Variants in FERMT1 observed in about 807,000 individuals in gnomAD.
FERMT1 encodes the protein fermitin family homolog 1.
Under a neutral mutation model 85.3 loss-of-function variants are expected in FERMT1, and 60 were observed. The ratio of observed to expected loss-of-function variants is 0.70; its 90% confidence interval spans 0.57 to 0.87. The LOEUF is 0.87. FERMT1 is among the 40% of genes least tolerant of loss of function. The pLI, the probability that FERMT1 is intolerant of heterozygous loss-of-function variation, is 0.00. For synonymous variants in FERMT1, 275 were observed against 301.1 expected (o/e 0.91, Z 0.90); for missense variants, 701 against 818.9 (o/e 0.86, Z 1.76).
intron 14 of FERMT1, among the ~76,000 whole-genome samples, chr20:6,078,871 G>C (rs1981914573): frequency 6.6e-6 from 1 of 152,134 alleles, no homozygotes; most frequent in Admixed American, 6.5e-5. Flanking sequence ...GATGATGGGA[G>C]GCTGTAACAT....
intron 13 of FERMT1, among the ~76,000 whole-genome samples, chr20:6,083,204 T>G (rs1239560726): frequency 6.6e-6 from 1 of 152,196 alleles, no homozygotes; most frequent in African/African-American, 2.4e-5. Context: ...GTGGATATGT[T>G]TTGGGAAACC....
intron 2 of FERMT1, among the ~76,000 whole-genome samples, chr20:6,118,482 T>C (rs961043742): frequency 6.6e-6 from 1 of 152,150 alleles, no homozygotes; most frequent in Non-Finnish European, 1.5e-5. Context: ...TCCATTGAAC[T>C]GTTTATGATA....
At chr20:6,094,651 T>C (rs1399413959) in intron 9 of FERMT1, among the ~76,000 whole-genome samples, 2 of 152,170 alleles carry the variant, frequency 1.3e-5, no homozygotes, top group Non-Finnish European at 2.9e-5. Context: ...CGCTCAGTGC[T>C]TCATATGCAT....
intron 6 of FERMT1, 36 bp from the exon 7 acceptor site, chr20:6,097,667 T>G: frequency 7.6e-7 from 1 of 1,310,892 alleles, no homozygotes; most frequent in Non-Finnish European, 1.1e-6. Flanking sequence ...TGTAATGAGG[T>G]ATATTTATAT....
Position 6,096,653 on chromosome 20 carries a change from C to T in FERMT1, c.1089+249G>A, listed in dbSNP as rs373990643. On this transcript the variant is annotated intron_variant, in intron 8 of 14. Transcript: ENST00000217289. ...TCAGCAGTGGCTCCTTCACACCATG[C>T]CAACTTACCTCTAGGAAGAAATATA... Among the ~76,000 whole-genome samples, 7 of 152,256 alleles carry T rather than the reference C, an allele frequency of 4.6e-5. No individual in the cohort carries two copies. In the East Asian group the frequency reaches 7.7e-4, roughly 17 times the overall value.
chr20:6,115,967 G>A lies in FERMT1; in HGVS notation c.229C>T (p.Leu77=). The A allele has an allele frequency of 1.2e-6, 2 of 1,614,192 alleles. No individual in the cohort carries two copies. Among genetic ancestry groups the A allele is most frequent in the Non-Finnish European group, 1.7e-6 (2 of 1,180,028 alleles). ...TCTGCCTGGACCCCATATTTGTCCA[G>A]GGTCCAGTGGGTTTTCAGAAGCCAG... The part of the protein sequence containing the change: ...HCWLLKTHWT[L]DKYGVQADAK... The change falls in exon 3 of 15, where the codon CTG becomes TTG. Residue 77 remains leucine, a synonymous_variant. Coordinates refer to ENST00000217289, the MANE Select transcript of FERMT1 (RefSeq NM_017671.5).
chr20:6,087,806 T>C lies in FERMT1; in HGVS notation c.1342A>G (p.Met448Val). ...TCACATCTCAAATACATTTCATTCA[T>C]ACCATCGGCAACAGGGATTAGTAAC... ...IKLLIPVADGMNEMYLRCDHE... is the reference protein window; with the variant it reads ...IKLLIPVADGVNEMYLRCDHE... Residue 448 changes from methionine (M) to valine (V), a missense_variant, in exon 11 of 15, where the codon ATG becomes GTG. Physicochemically the swap from Met to Val is conservative, Grantham distance 21 (BLOSUM62 1). Coordinates refer to ENST00000217289, the MANE Select transcript of FERMT1 (RefSeq NM_017671.5). 3.1e-6 allele frequency: 5 copies of C among 1,606,672 alleles called. No individual in the cohort carries two copies. Among genetic ancestry groups the C allele is most frequent in the Non-Finnish European group, 4.3e-6 (5 of 1,173,212 alleles).
chr20:6,085,371 A>G (rs1982147070), intron 11 of FERMT1, 84 bp from the exon 12 acceptor site: 2 of 1,212,000 alleles, frequency 1.7e-6, no homozygotes, highest in East Asian at 2.4e-5. Flanking sequence ...TTTCTACCCC[A>G]TTACAGTGCA....
rs375495564 is a variant in FERMT1, at chr20:6,116,466, C to T, written c.152-422G>A. ...TAATAGGGTCGGGTGCTGTAGCTCACACCTGTAATCTCAGCACTTTGGGAG... is the reference window on the plus strand; with the variant it reads ...TAATAGGGTCGGGTGCTGTAGCTCATACCTGTAATCTCAGCACTTTGGGAG... On this transcript the variant is annotated intron_variant, in intron 2 of 14. Transcript: ENST00000217289. Among the ~76,000 whole-genome samples the T allele has an allele frequency of 2.6e-5, 4 of 151,980 alleles. No individual in the cohort carries two copies. In the South Asian group the frequency reaches 6.2e-4, roughly 24 times the overall value.
In FERMT1 at chr20:6,097,027, T is replaced by C; in HGVS notation, c.964A>G (p.Ile322Val). Residue 322 changes from isoleucine to valine, a missense_variant, in exon 8 of 15, where the codon ATT becomes GTT. By Grantham distance (29) the Ile-to-Val change is conservative. Coordinates refer to ENST00000217289, the MANE Select transcript of FERMT1 (RefSeq NM_017671.5). ...MLIFAALQYHISKLSLSAETQ... is the reference protein window; with the variant it reads ...MLIFAALQYHVSKLSLSAETQ... ...TCAGCAGACAACGACAGTTTGCTAA[T>C]GTGGTACTAAAATGAAAACAGACGT... is the stretch of plus-strand genomic sequence containing the variant. 1 of 1,613,892 alleles carries C rather than the reference T, an allele frequency of 6.2e-7. No individual in the cohort carries two copies. Among genetic ancestry groups the C allele is most frequent in the Non-Finnish European group, 8.5e-7 (1 of 1,179,802 alleles).
chr20:6,097,353 G>C (rs1249733418), intron 7 of FERMT1, among the ~76,000 whole-genome samples, 171 bp downstream of exon 7: 1 of 152,112 alleles, frequency 6.6e-6, no homozygotes, highest in Non-Finnish European at 1.5e-5. Context: ...TTAAAAATTT[G>C]TTCTGGTCTG....
At chr20:6,119,753 A>T (rs1281648180) in intron 1 of FERMT1, among the ~76,000 whole-genome samples, 181 bp from the exon 2 acceptor site, 1 of 152,200 alleles carries the variant, frequency 6.6e-6, no homozygotes, top group African/African-American at 2.4e-5. Flanking sequence ...TGAAGACAAA[A>T]AGTTTTATAA....
At chr20:6,116,653 C>T (rs112128743) in intron 2 of FERMT1, among the ~76,000 whole-genome samples, 1,644 of 149,740 alleles carry the variant, frequency 0.011, 25 homozygotes, top group Middle Eastern at 0.035. Context: ...CACTTGAACC[C>T]GGGAAGTGGA....
chr20:6,096,931 G>A lies in FERMT1; in HGVS notation c.1060C>T (p.Leu354=). 1.2e-6 allele frequency: 2 copies of A among 1,613,634 alleles called. No homozygotes were observed. The highest frequency in any genetic ancestry group is 2.2e-5 in the South Asian group (2 of 91,078). ...EAALSNLEVT[L]EGGKADSLLE... ...AGGCTGTCCGCTTTTCCACCTTCTA[G>A]GGTTACTTCCAAATTAGAAAGCGCC... Residue 354 remains leucine, a synonymous_variant, in exon 8 of 15, where the codon CTA becomes TTA. Coordinates refer to ENST00000217289, the MANE Select transcript of FERMT1 (RefSeq NM_017671.5).
chr20:6,119,887 A>T (rs1026881899), intron 1 of FERMT1, among the ~76,000 whole-genome samples: 3 of 152,068 alleles, frequency 2.0e-5, no homozygotes, highest in East Asian at 1.9e-4. Flanking sequence ...CTCTCTATTG[A>T]CTTCTTTTGA....
intron 6 of FERMT1, among the ~76,000 whole-genome samples, chr20:6,106,348 A>T (rs539885418): frequency 6.6e-6 from 1 of 152,284 alleles, no homozygotes; most frequent in East Asian, 1.9e-4. Flanking sequence ...GCCTTTGCAG[A>T]CCAGACCTAA....
At chr20:6,089,324 G>C (rs181819823) in intron 9 of FERMT1, among the ~76,000 whole-genome samples, 46 of 152,296 alleles carry the variant, frequency 3.0e-4, no homozygotes, top group African/African-American at 8.2e-4. Context: ...CTGTCTACAC[G>C]TGTGTCCTGG....
intron 13 of FERMT1, among the ~76,000 whole-genome samples, chr20:6,083,566 T>C (rs921008554): frequency 6.6e-6 from 1 of 151,518 alleles, no homozygotes; most frequent in Non-Finnish European, 1.5e-5. Flanking sequence ...TGGTGGCTCA[T>C]GCCTGTAAAC....
chr20:6,100,336 A>T (rs1982629776), intron 6 of FERMT1, among the ~76,000 whole-genome samples: 1 of 152,210 alleles, frequency 6.6e-6, no homozygotes, highest in African/African-American at 2.4e-5. Context: ...AAGTGAAAAA[A>T]ATTATTCATA....
Sources: gnomAD v4.1 joint callset for allele counts (sites outside exome capture counted in the v4.1 genomes callset) on GRCh38, gnomAD v4.1.1 for gene constraint, MANE v1.5 for transcripts, NCBI Gene and HGNC (gene_info 2026-07-23, HGNC 2026-07-21) for gene names.